MTHFD2L: variants seen among roughly 807,000 people sequenced by gnomAD.
MTHFD2L encodes methylenetetrahydrofolate dehydrogenase (NADP+ dependent) 2 like.
Under a neutral mutation model 34.9 loss-of-function variants are expected in MTHFD2L, and 29 were observed. The ratio of observed to expected loss-of-function variants is 0.83; its 90% CI spans 0.62 to 1.13. MTHFD2L has a LOEUF of 1.13. Among genes scored for constraint, MTHFD2L ranks in the 50% most tolerant of loss-of-function variants. MTHFD2L has a pLI of 0.00. For synonymous variants in MTHFD2L, 167 were observed against 155.7 expected, an observed-to-expected ratio of 1.07 and a Z score of -0.54; for missense variants, 481 against 446.5, an observed-to-expected ratio of 1.08 and a Z score of -0.70.
In MTHFD2L at chr4:74,281,471, T is replaced by C. The variant is rs775540788; in HGVS notation, c.852T>C (p.Ala284=). 6.8e-6 allele frequency: 11 copies of C among 1,612,840 alleles called. No individual in the cohort carries two copies. Among genetic ancestry groups the C allele is most frequent in the Non-Finnish European group, 7.6e-6 (9 of 1,179,216 alleles). ...ITSDMVKEGA[A]VIDVGINYVH... ...CTGATATGGTTAAAGAAGGTGCTGC[T>C]GTAATTGATGTGGGTATCAACTATG... Residue 284 remains alanine (A), a synonymous_variant, in exon 7 of 8, where the codon GCT becomes GCC. Coordinates refer to ENST00000325278, the MANE Select transcript of MTHFD2L (RefSeq NM_001144978.3).
chr4:74,195,739 G>A (rs1305235068), intron 3 of MTHFD2L: 2 of 153,026 alleles, frequency 1.3e-5, no homozygotes, highest in Non-Finnish European at 2.9e-5. Context: ...TACATTTTAG[G>A]GAGTCGTGAG....
chr4:74,181,957 C>G (rs1203464007), intron 3 of MTHFD2L, among the ~76,000 whole-genome samples: 1 of 152,194 alleles, frequency 6.6e-6, no homozygotes, highest in Admixed American at 6.5e-5. Context: ...GCTATAATTA[C>G]TTTTCATGAG....
chr4:74,269,890 TATAG>T (rs1745740666), intron 6 of MTHFD2L, among the ~76,000 whole-genome samples: 2 of 152,126 alleles, frequency 1.3e-5, no homozygotes, highest in African/African-American at 4.8e-5. Flanking sequence ...GGCAGATAAG[TATAG>T]ATTATTTTGA....
chr4:74,267,875 C>T (rs1042584367), intron 6 of MTHFD2L: 1 of 985,292 alleles, frequency 1.0e-6, no homozygotes, highest in Non-Finnish European at 1.2e-6. Context: ...GATTCCAAAG[C>T]CCTAGACGAT....
At chr4:74,250,143 C>T (rs957029879) in intron 6 of MTHFD2L, among the ~76,000 whole-genome samples, 9 of 152,178 alleles carry the variant, frequency 5.9e-5, no homozygotes, top group Admixed American at 2.0e-4. Context: ...GGTCTTTTCA[C>T]GTAGTCCCAT....
intron 7 of MTHFD2L, among the ~76,000 whole-genome samples, chr4:74,285,667 C>CA (rs1317119766): frequency 6.6e-6 from 1 of 151,932 alleles, no homozygotes; most frequent in African/African-American, 2.4e-5. Context: ...AATGTTTTGA[C>CA]AAAAAATTTT....
chr4:74,279,687 C>A (rs760153184), intron 6 of MTHFD2L, among the ~76,000 whole-genome samples: 2 of 152,046 alleles, frequency 1.3e-5, no homozygotes, highest in Non-Finnish European at 2.9e-5. Context: ...GAACTTTTTT[C>A]TGCAGCTATA....
At chr4:74,197,410 G>A (rs1733672790) in intron 3 of MTHFD2L, among the ~76,000 whole-genome samples, 1 of 152,062 alleles carries the variant, frequency 6.6e-6, no homozygotes, top group African/African-American at 2.4e-5. Context: ...TAAAATGTTT[G>A]ATGCTTTTTT....
intron 1 of MTHFD2L, among the ~76,000 whole-genome samples, chr4:74,135,567 A>G (rs1402262904): frequency 1.3e-5 from 2 of 152,168 alleles, no homozygotes; most frequent in African/African-American, 4.8e-5. Context: ...AAGTTCTACC[A>G]AACATTTAAA....
intron 6 of MTHFD2L, among the ~76,000 whole-genome samples, chr4:74,240,896 C>T (rs997440977): frequency 6.6e-6 from 1 of 152,112 alleles, no homozygotes; most frequent in African/African-American, 2.4e-5. Flanking sequence ...CTACCAAACA[C>T]CTTTAATTAT....
intron 3 of MTHFD2L, among the ~76,000 whole-genome samples, chr4:74,192,839 T>C (rs1732794792): frequency 6.6e-6 from 1 of 152,056 alleles, no homozygotes; most frequent in African/African-American, 2.4e-5. Context: ...ATATATCTGG[T>C]TACAAGTTCT....
chr4:74,253,153 T>A (rs371910921), intron 6 of MTHFD2L, among the ~76,000 whole-genome samples: 12 of 152,262 alleles, frequency 7.9e-5, no homozygotes, highest in African/African-American at 2.4e-4. Flanking sequence ...AATTTCCAGC[T>A]ATATAAGGAA....
At chr4:74,252,686 A>G (rs188192536) in intron 6 of MTHFD2L, among the ~76,000 whole-genome samples, 5 of 152,254 alleles carry the variant, frequency 3.3e-5, no homozygotes, top group Admixed American at 3.3e-4. Flanking sequence ...TGGAGTAATA[A>G]ACTGAACTCA....
At chr4:74,224,369 C>T (rs1738805337) in intron 5 of MTHFD2L, among the ~76,000 whole-genome samples, 1 of 152,122 alleles carries the variant, frequency 6.6e-6, no homozygotes, top group Non-Finnish European at 1.5e-5. Context: ...TGTATGGTAT[C>T]TACTAATTGC....
intron 1 of MTHFD2L, among the ~76,000 whole-genome samples, chr4:74,143,090 A>G (rs1723374391): frequency 6.7e-6 from 1 of 150,358 alleles, no homozygotes; most frequent in South Asian, 2.1e-4. Flanking sequence ...AGATGTCCAC[A>G]CTGTCTATAT....
intron 2 of MTHFD2L, among the ~76,000 whole-genome samples, chr4:74,117,868 A>T (rs543085521): frequency 6.6e-6 from 1 of 152,336 alleles, no homozygotes; most frequent in African/African-American, 2.4e-5. Flanking sequence ...CACCAAACAG[A>T]TGCAAAGTCC....
At chr4:74,158,016 C>A (rs1271133195), upstream of MTHFD2L, 3 of 1,427,344 alleles carry the variant, frequency 2.1e-6, no homozygotes, top group Admixed American at 5.9e-5. Context: ...TCTGCCGGAA[C>A]CTGGCTGGGA....
At chr4:74,129,933 T>C (rs1276894976) in intron 1 of MTHFD2L, among the ~76,000 whole-genome samples, 1 of 151,894 alleles carries the variant, frequency 6.6e-6, no homozygotes, top group Admixed American at 6.6e-5. Flanking sequence ...AAATACAAAC[T>C]ACCATCAGAG....
chr4:74,278,986 A>G (rs1747069213), intron 6 of MTHFD2L, among the ~76,000 whole-genome samples: 2 of 152,244 alleles, frequency 1.3e-5, no homozygotes, highest in African/African-American at 4.8e-5. Context: ...GACTCTACCA[A>G]TAGATGCTTT....
Sources: allele counts gnomAD v4.1 joint callset (sites outside exome capture counted in the v4.1 genomes callset), GRCh38; gene constraint gnomAD v4.1.1; transcripts MANE v1.5; gene names NCBI Gene and HGNC (gene_info 2026-07-23, HGNC 2026-07-21).